The following CCR3 variants were observed in gnomAD, a reference collection of about 807,000 sequenced individuals.
CCR3 encodes the protein C-C chemokine receptor type 3.
For missense variants in CCR3, 419 were observed against 437.5 expected (o/e 0.96, Z 0.38); for synonymous variants, 203 against 179.2 (o/e 1.13, Z -1.06).
At chr3:46,238,704 G>A (rs932573846), upstream of CCR3, among the ~76,000 whole-genome samples, 2 of 152,276 alleles carry the variant, frequency 1.3e-5, no homozygotes, top group Middle Eastern at 3.4e-3. Context: ...AAGTCACAGC[G>A]TAGTCAAGGC....
Position 46,265,865 on chromosome 3 carries a change from A to G in CCR3, c.707A>G (p.Lys236Arg). The change falls in exon 2 of 2, where the codon AAG becomes AGG. Residue 236 changes from lysine to arginine, a missense_variant. By Grantham distance (26) the Lys-to-Arg change is conservative. Transcript: ENST00000395940. Reference protein sequence around the residue: ...LLRCPSKKKYKAIRLIFVIMA... With the variant: ...LLRCPSKKKYRAIRLIFVIMA... ...AGGTGCCCCAGTAAAAAAAAGTACA[A>G]GGCCATCCGGCTCATTTTTGTCATC... 6.2e-7 allele frequency: 1 copy of G among 1,614,126 alleles called. No homozygotes were observed. Among genetic ancestry groups the G allele is most frequent in the East Asian group, 2.2e-5 (1 of 44,876 alleles).
At chr3:46,248,597 G>A (rs577260010) in intron 1 of CCR3, among the ~76,000 whole-genome samples, 223 of 152,256 alleles carry the variant, frequency 1.5e-3, no homozygotes, top group Non-Finnish European at 2.4e-3. Context: ...GTGTTTTTAT[G>A]AGAATTATGC....
intron 2 of CCR3, among the ~76,000 whole-genome samples, chr3:46,232,004 T>C (rs1699970206): frequency 6.6e-6 from 1 of 152,224 alleles, no homozygotes; most frequent in South Asian, 2.1e-4. Flanking sequence ...TTATTGGAAG[T>C]GCATTGTTTT....
rs780423426 is a variant in CCR3 at position 46,266,068 on chromosome 3, G to T, written c.910G>T (p.Val304Phe). The T allele has an allele frequency of 5.6e-6, 9 of 1,613,934 alleles. No homozygotes were observed. In the East Asian group the frequency reaches 2.0e-4, roughly 36 times the overall value. ...CATGAACCCGGTGATCTACGCCTTT[G>T]TTGGAGAGAGGTTCCGGAAGTACCT... Reference protein sequence around the residue: ...CCMNPVIYAFVGERFRKYLRH... With the variant: ...CCMNPVIYAFFGERFRKYLRH... The change falls in exon 2 of 2, where the codon GTT becomes TTT. Residue 304 changes from valine (V) to phenylalanine (F), a missense_variant. By Grantham distance (50) the Val-to-Phe change is conservative. Transcript: ENST00000395940.
At chr3:46,245,502 A>AAAAAC (rs139915793) in intron 1 of CCR3, among the ~76,000 whole-genome samples, 9 of 151,948 alleles carry the variant, frequency 5.9e-5, no homozygotes, top group South Asian at 2.1e-4. Flanking sequence ...AAAGGCATAC[A>AAAAAC]AAAACAAAAC....
chr3:46,211,341 G>A (rs79784530), intron 2 of CCR3, among the ~76,000 whole-genome samples: 13 of 150,824 alleles, frequency 8.6e-5, no homozygotes, highest in African/African-American at 2.9e-4. Context: ...TGGAACCACA[G>A]GTGCATGGCA....
At chr3:46,210,956 T>C (rs146066535) in intron 2 of CCR3, 114 of 152,318 alleles carry the variant, frequency 7.5e-4, no homozygotes, top group African/African-American at 2.6e-3. Flanking sequence ...ACATGGAAGC[T>C]TGAAGGACAA....
At position 46,265,798 on chromosome 3, in the gene CCR3, G is replaced by A. The variant is rs780243892; in HGVS notation, c.640G>A (p.Val214Ile). 33 of 1,613,660 alleles carry A rather than the reference G, an allele frequency of 2.0e-5. No homozygotes were observed. The highest frequency in any genetic ancestry group is 3.3e-5 in the South Asian group (3 of 91,086). ...CTTCTGTCTCGTTCTCCCTCTGCTC[G>A]TTATGGCCATCTGCTACACAGGAAT... is the stretch of plus-strand genomic sequence containing the variant. ...TIFCLVLPLL[V>I]MAICYTGIIK... The change falls in exon 2 of 2, where the codon GTT (valine) becomes ATT (isoleucine). Residue 214 changes from valine to isoleucine, a missense_variant. By Grantham distance (29) the Val-to-Ile change is conservative. Coordinates refer to ENST00000395940, the MANE Select transcript of CCR3 (RefSeq NM_178329.3).
intron 1 of CCR3, among the ~76,000 whole-genome samples, chr3:46,250,655 C>A (rs746036991): frequency 2.0e-5 from 3 of 151,898 alleles, no homozygotes; most frequent in Non-Finnish European, 4.4e-5. Flanking sequence ...GAAAATAAGG[C>A]GTTTAGGTTT....
upstream of CCR3, among the ~76,000 whole-genome samples, chr3:46,238,638 A>C (rs1377311336): frequency 6.6e-6 from 1 of 152,204 alleles, no homozygotes; most frequent in Non-Finnish European, 1.5e-5. Flanking sequence ...TAGTGCGTGG[A>C]AGTGTTCAAG....
chr3:46,253,562 G>A (rs1425644407), intron 1 of CCR3, among the ~76,000 whole-genome samples: 1 of 152,138 alleles, frequency 6.6e-6, no homozygotes, highest in Non-Finnish European at 1.5e-5. Context: ...GCTGTGAAAT[G>A]ATCCTTCCCA....
At chr3:46,223,172 T>C (rs576215553) in intron 2 of CCR3, among the ~76,000 whole-genome samples, 3 of 152,190 alleles carry the variant, frequency 2.0e-5, no homozygotes, top group East Asian at 1.9e-4. Flanking sequence ...GCCAATGTGG[T>C]GAAACCCTGT....
chr3:46,265,001 T>C, intron 1 of CCR3, 147 bp from the exon 2 acceptor site: 1 of 622,734 alleles, frequency 1.6e-6, no homozygotes, highest in East Asian at 2.8e-5. Context: ...GCACCTCTGA[T>C]ATGCCTTTTG....
chr3:46,231,614 T>A (rs1198727861), intron 2 of CCR3, among the ~76,000 whole-genome samples: 1 of 152,160 alleles, frequency 6.6e-6, no homozygotes, highest in Non-Finnish European at 1.5e-5. Flanking sequence ...GCCAAGAGGG[T>A]AGATCTTACG....
chr3:46,264,369 T>G, intron 1 of CCR3: 1 of 1,421,048 alleles, frequency 7.0e-7, no homozygotes, highest in Non-Finnish European at 9.6e-7. Flanking sequence ...ACAGACAAAA[T>G]GTGTATTTTT....
At chr3:46,248,955 G>A (rs1480223846) in intron 1 of CCR3, among the ~76,000 whole-genome samples, 1 of 152,164 alleles carries the variant, frequency 6.6e-6, no homozygotes, top group African/African-American at 2.4e-5. Flanking sequence ...TAAAATGGGG[G>A]AATGGTAAGG....
intron 1 of CCR3, among the ~76,000 whole-genome samples, chr3:46,249,003 C>T (rs984136629): frequency 3.9e-5 from 6 of 152,078 alleles, no homozygotes; most frequent in Admixed American, 1.3e-4. Flanking sequence ...CCTTAGCAGG[C>T]GAGTGATAAC....
intron 2 of CCR3, among the ~76,000 whole-genome samples, chr3:46,231,854 A>T (rs1699969093): frequency 6.6e-6 from 1 of 152,156 alleles, no homozygotes. Context: ...GAGAAACAAG[A>T]TCTATTGATC....
At chr3:46,239,831 T>G (rs1041943976), upstream of CCR3, among the ~76,000 whole-genome samples, 2 of 152,208 alleles carry the variant, frequency 1.3e-5, no homozygotes, top group Non-Finnish European at 2.9e-5. Flanking sequence ...TAAAAGGTCA[T>G]TGTGGGATTT....
Sources: gnomAD v4.1 joint callset for allele counts (sites outside exome capture counted in the v4.1 genomes callset) on GRCh38, gnomAD v4.1.1 for gene constraint, MANE v1.5 for transcripts, NCBI Gene and HGNC (gene_info 2026-07-23, HGNC 2026-07-21) for gene names.